The following COA1 variants were observed in gnomAD, a reference collection of about 807,000 sequenced individuals.
COA1 encodes the protein cytochrome c oxidase assembly factor 1 homolog.
Under a neutral mutation model 16.0 loss-of-function variants are expected in COA1, and 13 were observed. The observed-to-expected ratio is 0.81, with a 90% CI of 0.53 to 1.29. COA1 has a LOEUF of 1.29. COA1 is among the 50% of genes most tolerant of loss of function. COA1 has a pLI of 0.00. For missense variants in COA1, 179 were observed against 177.0 expected, an observed-to-expected ratio of 1.01 and a Z score of -0.06; for synonymous variants, 65 against 65.7, an observed-to-expected ratio of 0.99 and a Z score of 0.05.
intron 1 of COA1, among the ~76,000 whole-genome samples, chr7:43,672,281 T>C (rs947745584): frequency 6.6e-6 from 1 of 152,144 alleles, no homozygotes; most frequent in African/African-American, 2.4e-5. Context: ...AATAAAATAC[T>C]AGCGAATCGA....
In COA1 at chr7:43,639,412, T is replaced by G; in HGVS notation, c.*170A>C. The G allele has an allele frequency of 1.9e-6, 1 of 530,908 alleles. No homozygotes were observed. Among genetic ancestry groups the G allele is most frequent in the Non-Finnish European group, 3.4e-6 (1 of 292,590 alleles). 32.9% of individuals were successfully genotyped at this position (530,908 alleles called of 1,614,324 possible). ...CAAATAGCATTTGTTGTGCCCAAGT[T>G]AGAATTACACCAAAATTACCATGTG... is the stretch of plus-strand genomic sequence containing the variant. On this transcript the variant is annotated 3_prime_UTR_variant, in exon 6 of 6. Coordinates refer to ENST00000223336, the MANE Select transcript of COA1 (RefSeq NM_018224.4).
chr7:43,648,230 A>G, intron 2 of COA1: 1 of 344,104 alleles, frequency 2.9e-6, no homozygotes, highest in Non-Finnish European at 5.5e-6. Context: ...TGTAAAGTTA[A>G]TTACAGTAAT....
chr7:43,639,980 G>C lies in COA1; in HGVS notation c.342-299C>G, dbSNP rs1218549646. ...AATTCACAGTGACCTTCAGTTCCTG[G>C]CATGGAATCCAGCCAGCTTGTACAC... On this transcript the variant is annotated intron_variant, in intron 5 of 5. Transcript: ENST00000223336. 2.0e-5 allele frequency among the ~76,000 whole-genome samples: 3 copies of C among 152,160 alleles called. No homozygotes were observed. The East Asian group carries it at 5.8e-4, about 29-fold the overall frequency.
At chr7:43,662,131 G>T (rs1157590777) in intron 1 of COA1, among the ~76,000 whole-genome samples, 2 of 152,226 alleles carry the variant, frequency 1.3e-5, no homozygotes, top group Non-Finnish European at 2.9e-5. Context: ...TATCAAAGAA[G>T]ATCTACAATT....
intron 1 of COA1, among the ~76,000 whole-genome samples, chr7:43,651,374 C>G (rs554403601): frequency 3.9e-4 from 60 of 152,302 alleles, no homozygotes; most frequent in Middle Eastern, 3.4e-3. Context: ...GCAGTCTTAA[C>G]TCTGCTCTGA....
intron 1 of COA1, among the ~76,000 whole-genome samples, chr7:43,695,144 C>G (rs1329441837): frequency 6.6e-6 from 1 of 150,756 alleles, no homozygotes; most frequent in Non-Finnish European, 1.5e-5. Context: ...GACAAACCTC[C>G]TGCTTCCTCC....
At chr7:43,704,821 G>T (rs868581365) in intron 1 of COA1, among the ~76,000 whole-genome samples, 1 of 152,082 alleles carries the variant, frequency 6.6e-6, no homozygotes, top group Non-Finnish European at 1.5e-5. Flanking sequence ...TTTTCAGCCC[G>T]GTTAAGAACC....
chr7:43,666,281 G>A (rs912341490), intron 1 of COA1, among the ~76,000 whole-genome samples: 3 of 152,214 alleles, frequency 2.0e-5, no homozygotes, highest in East Asian at 1.9e-4. Context: ...CTGTTTATAC[G>A]GACCCAAGAT....
intron 1 of COA1, among the ~76,000 whole-genome samples, chr7:43,651,071 A>G (rs1487462555): frequency 6.6e-6 from 1 of 152,144 alleles, no homozygotes; most frequent in African/African-American, 2.4e-5. Flanking sequence ...CCGACCTCAC[A>G]AAAAAACAAA....
chr7:43,619,180 A>T (rs2083618708), intron 6 of COA1, among the ~76,000 whole-genome samples: 1 of 152,180 alleles, frequency 6.6e-6, no homozygotes, highest in East Asian at 1.9e-4. Context: ...TTGTGACCTT[A>T]ATGAAGGCAG....
At chr7:43,640,540 C>T (rs766623343) in intron 5 of COA1, 33 bp downstream of exon 5, 39 of 1,502,920 alleles carry the variant, frequency 2.6e-5, no homozygotes, top group African/African-American at 1.1e-4. Context: ...GTCTTCCTCC[C>T]GCTCCCCCAC....
chr7:43,628,908 T>G (rs2153035453), intron 6 of COA1, among the ~76,000 whole-genome samples: 1 of 152,224 alleles, frequency 6.6e-6, no homozygotes, highest in Non-Finnish European at 1.5e-5. Flanking sequence ...GTTAATGCTT[T>G]CTTTGTGCTC....
At chr7:43,724,419 G>T (rs934344932) in intron 1 of COA1, among the ~76,000 whole-genome samples, 2 of 152,042 alleles carry the variant, frequency 1.3e-5, no homozygotes, top group African/African-American at 4.8e-5. Context: ...CTGCGTGGTG[G>T]TGCACGCCTG....
At chr7:43,708,445 A>G (rs2095084661) in intron 1 of COA1, among the ~76,000 whole-genome samples, 1 of 150,628 alleles carries the variant, frequency 6.6e-6, no homozygotes, top group African/African-American at 2.4e-5. Context: ...TGGGTAACAA[A>G]GCAAGACCTT....
intron 1 of COA1, among the ~76,000 whole-genome samples, chr7:43,701,211 A>G (rs2094723584): frequency 6.6e-6 from 1 of 152,024 alleles, no homozygotes; most frequent in South Asian, 2.1e-4. Flanking sequence ...CCCAGGTAGT[A>G]AGCATAGTAC....
At chr7:43,644,791 C>CAGACAGACAGACAGAGAGAGAGAG (rs1563229816) in intron 4 of COA1, among the ~76,000 whole-genome samples, 4 of 23,720 alleles carry the variant, frequency 1.7e-4, no homozygotes, top group African/African-American at 3.0e-4. Context: ...GGCAGGCAGG[C>CAGACAGACAGACAGAGAGAGAGAG]AGAGAGACAG....
chr7:43,627,344 T>C (rs1217306708), intron 6 of COA1, among the ~76,000 whole-genome samples: 1 of 152,156 alleles, frequency 6.6e-6, no homozygotes, highest in Non-Finnish European at 1.5e-5. Context: ...TAACCTCAGT[T>C]TGGAAGAAAA....
intron 1 of COA1, among the ~76,000 whole-genome samples, chr7:43,680,439 A>G (rs757503506): frequency 4.2e-4 from 64 of 152,228 alleles, no homozygotes; most frequent in African/African-American, 1.4e-3. Context: ...CTAATTACCA[A>G]ATCATAGATT....
At chr7:43,688,550 T>A (rs1011145525) in intron 1 of COA1, among the ~76,000 whole-genome samples, 4 of 152,194 alleles carry the variant, frequency 2.6e-5, no homozygotes, top group Non-Finnish European at 4.4e-5. Flanking sequence ...AGGATCAGGT[T>A]CAGCTGCATG....
Sources: allele counts gnomAD v4.1 joint callset (sites outside exome capture counted in the v4.1 genomes callset), GRCh38; gene constraint gnomAD v4.1.1; transcripts MANE v1.5; gene names NCBI Gene and HGNC (gene_info 2026-07-23, HGNC 2026-07-21).